NXN: variants seen among roughly 807,000 people sequenced by gnomAD.
The protein encoded by NXN is nucleoredoxin 1.
In NXN, 16 loss-of-function variants were observed where a neutral mutation model predicts 48.6. That is an observed-to-expected ratio of 0.33 (90% confidence interval 0.22 to 0.50). The LOEUF (loss-of-function observed/expected upper bound fraction) is 0.50, where lower values mean the gene tolerates loss of function less well. Among genes scored for constraint, NXN ranks in the 20% least tolerant of loss-of-function variants. NXN has a pLI of 0.98. For missense variants in NXN, 492 were observed against 605.5 expected (o/e 0.81, Z 1.97); for synonymous variants, 281 against 269.6 (o/e 1.04, Z -0.41).
intron 5 of NXN, among the ~76,000 whole-genome samples, chr17:812,159 C>G (rs1050746434): frequency 2.1e-4 from 32 of 151,288 alleles, no homozygotes; most frequent in African/African-American, 7.8e-4. Context: ...GATCTCCTGA[C>G]CTCGTGATCC....
intron 5 of NXN, among the ~76,000 whole-genome samples, chr17:806,811 C>T (rs538194984): frequency 1.3e-5 from 2 of 152,216 alleles, no homozygotes; most frequent in East Asian, 1.9e-4. Flanking sequence ...AAGGAATCAA[C>T]GAATCCATTA....
intron 1 of NXN, among the ~76,000 whole-genome samples, chr17:873,493 C>CCAAAAAAAAAAA (rs2068181817): frequency 8.0e-5 from 6 of 74,980 alleles, no homozygotes; most frequent in Admixed American, 3.3e-4. Context: ...ACACTGTCTC[C>CCAAAAAAAAAAA]AAAAAAAAAA....
intron 5 of NXN, among the ~76,000 whole-genome samples, chr17:809,927 G>A (rs967825911): frequency 1.6e-4 from 23 of 141,988 alleles, no homozygotes; most frequent in Non-Finnish European, 8.0e-5. Flanking sequence ...TTAAGAGTCC[G>A]TGTGAGTGGC....
chr17:882,504 C>T (rs1308939710), intron 1 of NXN, among the ~76,000 whole-genome samples: 1 of 152,084 alleles, frequency 6.6e-6, no homozygotes, highest in Non-Finnish European at 1.5e-5. Context: ...CTCGCTCTGT[C>T]ACCCAGGCTG....
chr17:957,360 G>T (rs545231411), intron 1 of NXN, among the ~76,000 whole-genome samples: 3 of 151,650 alleles, frequency 2.0e-5, no homozygotes, highest in African/African-American at 7.2e-5. Context: ...TGGGCCGGGC[G>T]CAGGGGCTCA....
rs544898818 is a variant in NXN at position 802,602 on chromosome 17, A to C, written c.1125+1080T>G. ...CTCAGAGCCATTCTGCAGGGGTTGGAGTCACTGCATGCCGCGCAGCCTCCC... is the reference window on the plus strand; with the variant it reads ...CTCAGAGCCATTCTGCAGGGGTTGGCGTCACTGCATGCCGCGCAGCCTCCC... On this transcript the variant is annotated intron_variant, in intron 7 of 7. Transcript: ENST00000336868. Among the ~76,000 whole-genome samples, 4 of 152,250 alleles carry C rather than the reference A, an allele frequency of 2.6e-5. No homozygotes were observed. In the East Asian group the frequency reaches 7.7e-4, roughly 29 times the overall value.
At chr17:895,802 T>C (rs57224833) in intron 1 of NXN, among the ~76,000 whole-genome samples, 139,294 of 146,758 alleles carry the variant, frequency 0.95, 66,246 homozygotes, top group Middle Eastern at 0.99. Context: ...TGGGTTTTGT[T>C]TGTCTCAAAA....
chr17:899,118 C>T (rs536955962), intron 1 of NXN, among the ~76,000 whole-genome samples: 6 of 152,088 alleles, frequency 3.9e-5, no homozygotes, highest in South Asian at 4.2e-4. Context: ...CCACCATGCA[C>T]AGCTAATTTT....
At chr17:811,156 G>A (rs1000338773) in intron 5 of NXN, among the ~76,000 whole-genome samples, 1 of 152,152 alleles carries the variant, frequency 6.6e-6, no homozygotes, top group African/African-American at 2.4e-5. Context: ...AGGGAAGAAG[G>A]AAAACAGAGA....
chr17:874,015 A>G (rs1186275252), intron 1 of NXN, among the ~76,000 whole-genome samples: 1 of 152,090 alleles, frequency 6.6e-6, no homozygotes, highest in African/African-American at 2.4e-5. Context: ...CTCATCTTGA[A>G]TTCTAGTCCC....
At chr17:896,208 C>T (rs11247562) in intron 1 of NXN, among the ~76,000 whole-genome samples, 51,430 of 151,540 alleles carry the variant, frequency 0.34, 10,516 homozygotes, top group East Asian at 0.58. Context: ...GGCGTGGTGG[C>T]GCATGCCTGT....
intron 1 of NXN, among the ~76,000 whole-genome samples, chr17:866,200 T>A (rs971621455): frequency 3.3e-5 from 5 of 152,142 alleles, no homozygotes; most frequent in Admixed American, 2.0e-4. Flanking sequence ...TTTTTTTTTT[T>A]AAATCAGACG....
intron 1 of NXN, chr17:959,362 C>T (rs950442582): frequency 1.7e-5 from 4 of 231,308 alleles, no homozygotes; most frequent in South Asian, 1.5e-4. Context: ...CGTGGAGTCG[C>T]GCAGAGGCTG....
chr17:884,753 C>G (rs2068324275), intron 1 of NXN, among the ~76,000 whole-genome samples: 1 of 152,314 alleles, frequency 6.6e-6, no homozygotes, highest in Admixed American at 6.5e-5. Context: ...GATGGACGGT[C>G]CCTCGGGAAT....
At chr17:895,872 TAGTATCTTCCAAGGTG>T (rs1471440038) in intron 1 of NXN, among the ~76,000 whole-genome samples, 1 of 151,862 alleles carries the variant, frequency 6.6e-6, no homozygotes, top group Non-Finnish European at 1.5e-5. Context: ...CTCAACAATG[TAGTATCTTCCAAGGTG>T]AATCTTTTAG....
intron 1 of NXN, among the ~76,000 whole-genome samples, chr17:940,291 G>C (rs185113956): frequency 1.3e-5 from 2 of 149,550 alleles, no homozygotes; most frequent in Non-Finnish European, 3.0e-5. Flanking sequence ...ATAGGGTTTC[G>C]CTATGTTGCC....
chr17:889,697 GAAAAAGAA>G (rs2068388805), intron 1 of NXN, among the ~76,000 whole-genome samples: 1 of 110,350 alleles, frequency 9.1e-6, no homozygotes, highest in African/African-American at 3.7e-5. Context: ...AAGAAAGAAA[GAAAAAGAA>G]AGAAAGAAAG....
rs762003466 is a variant in NXN at position 853,721 on chromosome 17, A to ATT, written c.361-27644_361-27643insAA. On this transcript the variant is annotated intron_variant, in intron 1 of 7. Transcript: ENST00000336868. Reference sequence around the variant, plus strand: ...TATACACATATATATATATATATATATATTTTTTTTTTTTTTTCCAAGACG... The same window carrying ATT: ...TATACACATATATATATATATATATATTTATTTTTTTTTTTTTTTCCAAGACG... Among the ~76,000 whole-genome samples, 553 of 105,114 alleles carry ATT rather than the reference A, an allele frequency of 5.3e-3. 5 individuals are homozygous for ATT. The highest frequency in any genetic ancestry group is 6.7e-3 in the Non-Finnish European group (370 of 55,498). 69.0% of individuals were successfully genotyped at this position (105,114 alleles called of 152,430 possible).
At chr17:955,310 G>A (rs2069153906) in intron 1 of NXN, among the ~76,000 whole-genome samples, 1 of 151,720 alleles carries the variant, frequency 6.6e-6, no homozygotes, top group Admixed American at 6.6e-5. Flanking sequence ...TGGGATTACA[G>A]GCATGCGCCA....
Sources: allele counts gnomAD v4.1 joint callset (sites outside exome capture counted in the v4.1 genomes callset), GRCh38; gene constraint gnomAD v4.1.1; transcripts MANE v1.5; gene names NCBI Gene and HGNC (gene_info 2026-07-23, HGNC 2026-07-21).